Variants in SHROOM3 observed in about 807,000 individuals in gnomAD.
SHROOM3 encodes shroom family member 3, also known as protein Shroom3.
Under a neutral mutation model 138.6 loss-of-function variants are expected in SHROOM3, and 47 were observed. That is an observed-to-expected ratio of 0.34 (90% CI 0.27 to 0.43). SHROOM3 has a LOEUF of 0.43. SHROOM3 is among the 20% of genes least tolerant of loss of function. The probability of loss-of-function intolerance (pLI) is 1.00; values close to 1 mark genes in which losing one functional copy is unlikely to be tolerated. For missense variants in SHROOM3, 2,491 were observed against 2,596.5 expected (o/e 0.96, Z 0.88); for synonymous variants, 1,062 against 1,063.3 (o/e 1.00, Z 0.02).
chr4:76,632,402 A>G (rs1735351873), intron 2 of SHROOM3, among the ~76,000 whole-genome samples: 1 of 152,220 alleles, frequency 6.6e-6, no homozygotes, highest in Non-Finnish European at 1.5e-5. Context: ...AGTTGGGGAC[A>G]AGGAGAGAAA....
chr4:76,587,187 G>A (rs1039385369), intron 2 of SHROOM3: 5 of 152,076 alleles, frequency 3.3e-5, no homozygotes, highest in African/African-American at 9.7e-5. Flanking sequence ...ATACTTCAGG[G>A]ACCATCCTGT....
chr4:76,646,820 G>C (rs1379135265), intron 2 of SHROOM3, among the ~76,000 whole-genome samples: 2 of 152,140 alleles, frequency 1.3e-5, no homozygotes, highest in African/African-American at 4.8e-5. Context: ...CACTGTTGGT[G>C]GGAGCGTAAA....
chr4:76,544,151 C>T (rs756003096), intron 1 of SHROOM3, among the ~76,000 whole-genome samples: 7 of 152,052 alleles, frequency 4.6e-5, no homozygotes, highest in South Asian at 2.1e-4. Flanking sequence ...CCAGGTAGCC[C>T]TTATTATCTG....
At chr4:76,560,563 ATT>A (rs963901625) in intron 2 of SHROOM3, among the ~76,000 whole-genome samples, 7 of 152,110 alleles carry the variant, frequency 4.6e-5, no homozygotes, top group African/African-American at 1.7e-4. Context: ...GGTGCTATTT[ATT>A]TTGTTTATTT....
intron 2 of SHROOM3, among the ~76,000 whole-genome samples, chr4:76,609,122 T>C (rs141581410): frequency 1.4e-3 from 217 of 152,282 alleles, no homozygotes; most frequent in African/African-American, 5.1e-3. Context: ...TCTCTAACCA[T>C]TCAACATTTA....
intron 1 of SHROOM3, among the ~76,000 whole-genome samples, chr4:76,551,435 G>A (rs1216524841): frequency 2.0e-5 from 3 of 152,108 alleles, no homozygotes; most frequent in African/African-American, 7.2e-5. Context: ...TAATACTGAA[G>A]GGATGCAATT....
At chr4:76,441,710 T>G (rs1404744371) in intron 1 of SHROOM3, among the ~76,000 whole-genome samples, 1 of 152,102 alleles carries the variant, frequency 6.6e-6, no homozygotes, top group African/African-American at 2.4e-5. Flanking sequence ...GTGGCTTTAT[T>G]TTTTATTTTA....
At position 76,529,516 on chromosome 4, in the gene SHROOM3, G is replaced by A. The variant is rs139106870; in HGVS notation, c.169-26093G>A. Among the ~76,000 whole-genome samples, 95 of 152,036 alleles carry A rather than the reference G, an allele frequency of 6.2e-4. No homozygotes were observed. In the East Asian group the frequency reaches 0.017, roughly 27 times the overall value. ...TGTATATATATATTTTAGTAGACACGGGGTTTCACCATGTTAGCCAGGATG... is the reference window on the plus strand; with the variant it reads ...TGTATATATATATTTTAGTAGACACAGGGTTTCACCATGTTAGCCAGGATG... On this transcript the variant is annotated intron_variant, in intron 1 of 10. Transcript: ENST00000296043.
intron 1 of SHROOM3, among the ~76,000 whole-genome samples, chr4:76,552,629 TATATAC>T (rs1733389440): frequency 6.6e-6 from 1 of 151,080 alleles, no homozygotes; most frequent in Non-Finnish European, 1.5e-5. Flanking sequence ...TTATGTTTGC[TATATAC>T]ATATACATAT....
At chr4:76,554,515 G>T (rs1236814281) in intron 1 of SHROOM3, among the ~76,000 whole-genome samples, 1 of 150,826 alleles carries the variant, frequency 6.6e-6, no homozygotes, top group East Asian at 1.9e-4. Flanking sequence ...CGGCTCTTGG[G>T]TTCATGCCAT....
At chr4:76,517,763 G>T (rs1416341029) in intron 1 of SHROOM3, among the ~76,000 whole-genome samples, 1 of 152,090 alleles carries the variant, frequency 6.6e-6, no homozygotes, top group Non-Finnish European at 1.5e-5. Context: ...GAGAGGAAAA[G>T]ACTAGGGTTT....
intron 2 of SHROOM3, among the ~76,000 whole-genome samples, chr4:76,562,801 T>C (rs7695660): frequency 3.9e-5 from 6 of 152,212 alleles, no homozygotes; most frequent in African/African-American, 1.4e-4. Flanking sequence ...AAGAAGCAAT[T>C]TATTAAAAGC....
intron 1 of SHROOM3, among the ~76,000 whole-genome samples, chr4:76,517,906 C>A (rs1043702638): frequency 1.3e-5 from 2 of 152,134 alleles, no homozygotes; most frequent in Non-Finnish European, 2.9e-5. Flanking sequence ...CGGGATATTG[C>A]GGCTGCAGCA....
intron 3 of SHROOM3, among the ~76,000 whole-genome samples, chr4:76,715,481 C>T (rs1720346230): frequency 6.6e-6 from 1 of 152,124 alleles, no homozygotes. Context: ...TCTATCAAGC[C>T]TTGGGCTAGG....
intron 1 of SHROOM3, among the ~76,000 whole-genome samples, chr4:76,545,355 G>A (rs1733191675): frequency 6.6e-6 from 1 of 152,150 alleles, no homozygotes; most frequent in Non-Finnish European, 1.5e-5. Flanking sequence ...CTTCCTCCCA[G>A]GGAGCTGTAA....
In SHROOM3 at chr4:76,457,864, C is replaced by T. The variant is rs4859677; in HGVS notation, c.168+21644C>T. On this transcript the variant is annotated intron_variant, in intron 1 of 10. Coordinates refer to ENST00000296043, the MANE Select transcript of SHROOM3 (RefSeq NM_020859.4). ...ATGCTGGAGTGCAGTGGCCTGATCT[C>T]GGCTCACTGCAAGCTCCGCCTCCCA... Among the ~76,000 whole-genome samples the T allele has an allele frequency of 3.1e-3, 472 of 150,798 alleles. 8 individuals carry two copies. The highest frequency in any genetic ancestry group is 0.019 in the Admixed American group (284 of 15,150).
At chr4:76,635,510 G>A (rs1735469156) in intron 2 of SHROOM3, among the ~76,000 whole-genome samples, 1 of 152,164 alleles carries the variant, frequency 6.6e-6, no homozygotes, top group Non-Finnish European at 1.5e-5. Context: ...CAGCCTGATG[G>A]AGGGACAGCC....
In SHROOM3 at chr4:76,469,884, G is replaced by A. The variant is rs6836365; in HGVS notation, c.168+33664G>A. The stretch of plus-strand genomic sequence containing the variant: ...GATAATGGACAGTTTTTAAGAGATA[G>A]AGCTTTATAGGAAGGAAGATTGAGA... On this transcript the variant is annotated intron_variant, in intron 1 of 10. Transcript: ENST00000296043. Among the ~76,000 whole-genome samples the A allele has an allele frequency of 8.8e-3, 1,341 of 151,554 alleles. 12 individuals carry two copies. Among genetic ancestry groups the A allele is most frequent in the Middle Eastern group, 0.017 (5 of 292 alleles).
At chr4:76,634,034 A>G (rs1735420447) in intron 2 of SHROOM3, among the ~76,000 whole-genome samples, 1 of 152,196 alleles carries the variant, frequency 6.6e-6, no homozygotes, top group Admixed American at 6.5e-5. Flanking sequence ...GTGCCAGTAG[A>G]GCCCATACTA....
Sources: gnomAD v4.1 joint callset for allele counts (sites outside exome capture counted in the v4.1 genomes callset) on GRCh38, gnomAD v4.1.1 for gene constraint, MANE v1.5 for transcripts, NCBI Gene and HGNC (gene_info 2026-07-23, HGNC 2026-07-21) for gene names.